Variants in CHRNA5 observed in about 807,000 individuals in gnomAD.
CHRNA5 encodes the protein cholinergic receptor nicotinic alpha 5 subunit, also known as neuronal acetylcholine receptor subunit alpha-5.
A neutral mutation model predicts 41.2 loss-of-function variants in CHRNA5; 28 were observed. The ratio of observed to expected loss-of-function variants is 0.68; its 90% CI spans 0.50 to 0.93. The LOEUF (loss-of-function observed/expected upper bound fraction) is 0.93. CHRNA5 is among the 40% of genes least tolerant of loss of function. The probability of loss-of-function intolerance (pLI) is 0.00; values close to 1 mark genes in which losing one functional copy is unlikely to be tolerated. For synonymous variants in CHRNA5, 188 were observed against 205.8 expected, an observed-to-expected ratio of 0.91 and a Z score of 0.74; for missense variants, 481 against 581.9, an observed-to-expected ratio of 0.83 and a Z score of 1.78.
intron 5 of CHRNA5, among the ~76,000 whole-genome samples, chr15:78,592,205 C>T (rs575720791): frequency 1.3e-5 from 2 of 152,246 alleles, no homozygotes; most frequent in South Asian, 2.1e-4. Flanking sequence ...GCCTGTAGTC[C>T]CAGCCACCTG....
chr15:78,580,948 C>T lies in CHRNA5; in HGVS notation c.244C>T (p.Gln82Ter). The T allele has an allele frequency of 6.2e-7, 1 of 1,613,364 alleles. No homozygotes were observed. The highest frequency in any genetic ancestry group is 8.5e-7 in the Non-Finnish European group (1 of 1,179,896). Reference sequence around the variant, plus strand: ...AATAAAATTTGGACTTGCAATATCTCAATTGGTGGATGTGGTAGGTGTGCA... The same window carrying T: ...AATAAAATTTGGACTTGCAATATCTTAATTGGTGGATGTGGTAGGTGTGCA... The change falls in exon 2 of 6, where the codon CAA becomes TAA. Residue 82 changes from glutamine (Q) to a stop codon, truncating the protein, a stop_gained. Coordinates refer to ENST00000299565, the Ensembl canonical transcript of CHRNA5. LOFTEE classifies it high-confidence loss of function.
intron 2 of CHRNA5, 64 bp from the exon 3 acceptor site, chr15:78,586,581 T>G: frequency 1.0e-6 from 1 of 968,432 alleles, no homozygotes. Flanking sequence ...GTGAAATTTA[T>G]TATTTAAAGA....
chr15:78,570,424 A>ATTTTTTTTTTTTTTTG (rs2052791971), intron 1 of CHRNA5, among the ~76,000 whole-genome samples: 1 of 64,184 alleles, frequency 1.6e-5, no homozygotes, highest in Non-Finnish European at 2.7e-5. Flanking sequence ...AATCCCGGCT[A>ATTTTTTTTTTTTTTTG]TTTTTTTTTT....
At chr15:78,591,499 A>C (rs943762852) in intron 5 of CHRNA5, among the ~76,000 whole-genome samples, 8 of 142,532 alleles carry the variant, frequency 5.6e-5, no homozygotes, top group Non-Finnish European at 1.3e-4. Flanking sequence ...CTATAGTAAT[A>C]TTTTCATAAT....
chr15:78,579,364 C>T (rs974387416), intron 1 of CHRNA5, among the ~76,000 whole-genome samples: 14 of 152,168 alleles, frequency 9.2e-5, no homozygotes, highest in Non-Finnish European at 5.9e-5. Flanking sequence ...AGCAGTTCTC[C>T]TGCCTCAGCC....
At chr15:78,585,424 T>G (rs1315861822) in intron 2 of CHRNA5, among the ~76,000 whole-genome samples, 3 of 152,184 alleles carry the variant, frequency 2.0e-5, no homozygotes, top group Non-Finnish European at 4.4e-5. Context: ...TCACCTCCAG[T>G]TACCTGAGGT....
In CHRNA5 at chr15:78,588,190, T is replaced by G; in HGVS notation, c.304-124T>G. On this transcript the variant is annotated intron_variant, in intron 3 of 5. Coordinates refer to ENST00000299565, the Ensembl canonical transcript of CHRNA5. This position sits in a 1 kb window ranked among gnomAD's most constrained non-coding sequence, Gnocchi z 4.1. ...GCCCATAATAAGAAAGACAGGGAGG[T>G]GTTCTCTATTGGGGGTAGAGATGAT... 2.0e-6 allele frequency: 1 copy of G among 491,916 alleles called. No individual in the cohort carries two copies. The highest frequency in any genetic ancestry group is 3.6e-6 in the Non-Finnish European group (1 of 275,012). 30.5% of individuals were successfully genotyped at this position (491,916 alleles called of 1,614,324 possible).
intron 1 of CHRNA5, among the ~76,000 whole-genome samples, 161 bp from the exon 2 acceptor site, chr15:78,580,650 T>G (rs2052903425): frequency 6.6e-6 from 1 of 152,132 alleles, no homozygotes. Flanking sequence ...TTCCTTTTTT[T>G]TTTTGAGACA....
intron 2 of CHRNA5, among the ~76,000 whole-genome samples, chr15:78,584,345 C>G (rs975276955): frequency 6.6e-6 from 1 of 151,932 alleles, no homozygotes; most frequent in African/African-American, 2.4e-5. Flanking sequence ...ATACGATTAC[C>G]CCTGAAACTC....
At chr15:78,569,247 C>T (rs2052777209) in intron 1 of CHRNA5, among the ~76,000 whole-genome samples, 1 of 151,944 alleles carries the variant, frequency 6.6e-6, no homozygotes, top group Non-Finnish European at 1.5e-5. Context: ...CTATAATCTA[C>T]AAATGAGATC....
intron 1 of CHRNA5, among the ~76,000 whole-genome samples, chr15:78,580,066 G>T (rs1476895640): frequency 6.6e-6 from 1 of 151,824 alleles, no homozygotes; most frequent in Admixed American, 6.6e-5. Flanking sequence ...GATTGCTGAA[G>T]GTCAGAAGTT....
intron 4 of CHRNA5, chr15:78,589,013 C>T (rs1239419063): frequency 6.6e-6 from 1 of 152,032 alleles, no homozygotes; most frequent in Non-Finnish European, 1.5e-5. Context: ...CGAAAGAAGG[C>T]CATTTGGCAT....
chr15:78,591,602 C>CA (rs1338201174), intron 5 of CHRNA5, among the ~76,000 whole-genome samples: 1 of 152,096 alleles, frequency 6.6e-6, no homozygotes, highest in African/African-American at 2.4e-5. Flanking sequence ...ATAAATCTGG[C>CA]AAAATCACAG....
chr15:78,593,426 C>T, exon 6 of CHRNA5: 2 of 542,194 alleles, frequency 3.7e-6, no homozygotes, highest in Non-Finnish European at 6.0e-6. Flanking sequence ...GGCTGTATGA[C>T]TGAAGTAATA....
intron 2 of CHRNA5, among the ~76,000 whole-genome samples, chr15:78,584,724 A>G (rs981836051): frequency 6.6e-6 from 1 of 152,254 alleles, no homozygotes; most frequent in Non-Finnish European, 1.5e-5. Context: ...ATATACTATC[A>G]TCATGGGTAA....
At chr15:78,587,308 A>G (rs1161689404) in intron 3 of CHRNA5, among the ~76,000 whole-genome samples, 2 of 152,218 alleles carry the variant, frequency 1.3e-5, no homozygotes, top group East Asian at 3.8e-4. Context: ...AAAAGAAGAT[A>G]GGGAGTATTG....
chr15:78,585,785 T>TC (rs1215724709), intron 2 of CHRNA5, among the ~76,000 whole-genome samples: 3 of 88,050 alleles, frequency 3.4e-5, no homozygotes, highest in African/African-American at 1.5e-4. Context: ...TTCTTTTCTT[T>TC]TCTTTCTTTT....
At chr15:78,572,516 T>C (rs1451506745) in intron 1 of CHRNA5, among the ~76,000 whole-genome samples, 1 of 152,170 alleles carries the variant, frequency 6.6e-6, no homozygotes, top group Non-Finnish European at 1.5e-5. Flanking sequence ...GGAGTTTTGC[T>C]CTTGTTGCCC....
chr15:78,567,126 G>A (rs561036465), intron 1 of CHRNA5, among the ~76,000 whole-genome samples: 1 of 152,076 alleles, frequency 6.6e-6, no homozygotes, highest in Non-Finnish European at 1.5e-5. Context: ...GGTGGTGCGC[G>A]CCTGTAGTCC....
Sources: allele counts gnomAD v4.1 joint callset (sites outside exome capture counted in the v4.1 genomes callset), GRCh38; gene constraint gnomAD v4.1.1; non-coding constraint Gnocchi (gnomAD v3.1); transcripts MANE v1.5; gene names NCBI Gene and HGNC (gene_info 2026-07-23, HGNC 2026-07-21).